PRPSAP2: variants seen among roughly 807,000 people sequenced by gnomAD.
PRPSAP2 encodes phosphoribosyl pyrophosphate synthetase associated protein 2.
PRPSAP2 carries 24 observed loss-of-function variants against 40.6 expected under a neutral mutation model. The ratio of observed to expected loss-of-function variants is 0.59; its 90% CI spans 0.43 to 0.83. The LOEUF is 0.83. PRPSAP2 is among the 40% of genes least tolerant of loss of function. The probability of loss-of-function intolerance (pLI) is 0.00; values close to 1 mark genes in which losing one functional copy is unlikely to be tolerated. For synonymous variants in PRPSAP2, 149 were observed against 164.7 expected (o/e 0.90, Z 0.73); for missense variants, 292 against 465.6 (o/e 0.63, Z 3.43).
At chr17:18,860,123 G>A (rs976463027) in intron 1 of PRPSAP2, among the ~76,000 whole-genome samples, 11 of 151,802 alleles carry the variant, frequency 7.2e-5, no homozygotes, top group East Asian at 1.9e-4. Context: ...GTAGTGGCGC[G>A]ATCTCAGCTC....
intron 8 of PRPSAP2, among the ~76,000 whole-genome samples, chr17:18,890,427 C>T (rs1429126202): frequency 2.6e-5 from 4 of 152,186 alleles, no homozygotes; most frequent in Non-Finnish European, 4.4e-5. Flanking sequence ...GCCTTGGCCT[C>T]CCAAGGTGCT....
chr17:18,889,746 G>T (rs952037803), intron 7 of PRPSAP2, 76 bp from the exon 8 acceptor site: 5 of 1,197,924 alleles, frequency 4.2e-6, no homozygotes, highest in Non-Finnish European at 5.8e-6. Context: ...CTTTCAACTA[G>T]CCAAGCATTT....
intron 8 of PRPSAP2, among the ~76,000 whole-genome samples, chr17:18,909,660 T>C (rs1457840652): frequency 6.6e-6 from 1 of 152,012 alleles, no homozygotes; most frequent in Non-Finnish European, 1.5e-5. Flanking sequence ...ATTCCAGCAC[T>C]TTGGGAGGCC....
intron 6 of PRPSAP2, among the ~76,000 whole-genome samples, chr17:18,880,343 A>G (rs1276220746): frequency 6.6e-6 from 1 of 152,174 alleles, no homozygotes; most frequent in Non-Finnish European, 1.5e-5. Flanking sequence ...GGTGATCGTT[A>G]CAAAGGTGGT....
chr17:18,876,496 A>G (rs978701221), intron 5 of PRPSAP2, among the ~76,000 whole-genome samples: 1 of 152,218 alleles, frequency 6.6e-6, no homozygotes, highest in African/African-American at 2.4e-5. Context: ...TTCTTTCATT[A>G]ACAAATACTT....
chr17:18,885,374 T>G (rs1339180341), intron 7 of PRPSAP2, among the ~76,000 whole-genome samples: 1 of 120,224 alleles, frequency 8.3e-6, no homozygotes, highest in Non-Finnish European at 1.6e-5. Flanking sequence ...CAAGCCGTGA[T>G]CTGGGCGACA....
intron 1 of PRPSAP2, among the ~76,000 whole-genome samples, chr17:18,859,064 A>G (rs1451194153): frequency 1.3e-5 from 2 of 151,742 alleles, no homozygotes; most frequent in Non-Finnish European, 2.9e-5. Flanking sequence ...TATTTATTGA[A>G]TTTCTATTCT....
chr17:18,908,706 T>C (rs570646389), intron 8 of PRPSAP2: 2 of 724,152 alleles, frequency 2.8e-6, no homozygotes, highest in African/African-American at 1.8e-5. Flanking sequence ...ATATTGAGAA[T>C]GCACAGAAAT....
intron 4 of PRPSAP2, among the ~76,000 whole-genome samples, chr17:18,868,083 G>A (rs1302277543): frequency 3.3e-5 from 5 of 152,096 alleles, no homozygotes; most frequent in African/African-American, 7.2e-5. Context: ...CTGCAGTGAA[G>A]TGTGATCATA....
rs745428673 is a variant in PRPSAP2, at chr17:18,869,865, T to TGTGTGA, written c.172+2532_172+2533insTGTGAG. ...TTTTGTGTGTGTGTGTGTGTGTGTG[T>TGTGTGA]GAGACAGAGTCTTGCTCCATTGCCC... is the stretch of plus-strand genomic sequence containing the variant. On this transcript the variant is annotated intron_variant, in intron 4 of 11. Transcript: ENST00000268835. Among the ~76,000 whole-genome samples the TGTGTGA allele has an allele frequency of 2.0e-5, 3 of 147,772 alleles. 1 individual carries two copies. Among genetic ancestry groups the TGTGTGA allele is most frequent in the Admixed American group, 6.9e-5 (1 of 14,552 alleles).
At chr17:18,903,449 G>A (rs1156672377) in intron 8 of PRPSAP2, among the ~76,000 whole-genome samples, 2 of 145,860 alleles carry the variant, frequency 1.4e-5, no homozygotes, top group Non-Finnish European at 3.0e-5. Flanking sequence ...GGTATTGTGA[G>A]TGGGCTAGGC....
At position 18,892,727 on chromosome 17, in the gene PRPSAP2, G is replaced by GTGTGTGTGTGTGTGTGTT. The variant is rs60288281; in HGVS notation, c.584+2851_584+2852insGTGTGTGTGTGTGTGTTT. ...TGTGTGTGTGTGTGTGTGTGTGTGT[G>GTGTGTGTGTGTGTGTGTT]TATTTATTTATTTATTTATTTTTTT... On this transcript the variant is annotated intron_variant, in intron 8 of 11. Transcript: ENST00000268835. 3.1e-3 allele frequency among the ~76,000 whole-genome samples: 392 copies of GTGTGTGTGTGTGTGTGTT among 126,696 alleles called. 16 individuals are homozygous for GTGTGTGTGTGTGTGTGTT. Among genetic ancestry groups the GTGTGTGTGTGTGTGTGTT allele is most frequent in the Admixed American group, 4.9e-3 (61 of 12,372 alleles). The allele number at this position is 126,696 out of a possible 152,430, so 83.1% of individuals were successfully genotyped here.
intron 8 of PRPSAP2, among the ~76,000 whole-genome samples, chr17:18,894,479 CTTTT>C (rs1201159228): frequency 8.3e-6 from 1 of 120,570 alleles, no homozygotes; most frequent in Non-Finnish European, 1.7e-5. Context: ...TTTCAATAGT[CTTTT>C]TTTTTTTTTT....
At chr17:18,908,436 G>T in intron 8 of PRPSAP2, 1 of 758,306 alleles carries the variant, frequency 1.3e-6, no homozygotes, top group East Asian at 2.5e-5. Flanking sequence ...AAACTGTTCT[G>T]ATTTGCCTCA....
intron 1 of PRPSAP2, chr17:18,861,517 A>G (rs2037017831): frequency 6.6e-6 from 1 of 152,112 alleles, no homozygotes. Flanking sequence ...TGTTTGAATA[A>G]CTTGTGAAGT....
chr17:18,879,936 A>T (rs2038604298), intron 6 of PRPSAP2, among the ~76,000 whole-genome samples: 1 of 151,990 alleles, frequency 6.6e-6, no homozygotes, highest in Non-Finnish European at 1.5e-5. Flanking sequence ...GTCTCTACTA[A>T]CAATACAAAA....
intron 8 of PRPSAP2, chr17:18,908,752 G>A (rs965342679): frequency 3.2e-5 from 23 of 725,706 alleles, no homozygotes; most frequent in African/African-American, 7.1e-5. Context: ...GAAAGAGATC[G>A]GAGAGAAAAG....
chr17:18,862,709 A>G (rs2037116876), intron 1 of PRPSAP2, among the ~76,000 whole-genome samples: 1 of 152,188 alleles, frequency 6.6e-6, no homozygotes, highest in Non-Finnish European at 1.5e-5. Context: ...AGATGCAAAC[A>G]TGAGTTTGAC....
chr17:18,886,152 T>TGA (rs2039126600), intron 7 of PRPSAP2, among the ~76,000 whole-genome samples: 15 of 152,336 alleles, frequency 9.8e-5, no homozygotes, highest in Non-Finnish European at 2.1e-4. Context: ...TACATTATTT[T>TGA]ACGTCACCAA....
Sources: gnomAD v4.1 joint callset for allele counts (sites outside exome capture counted in the v4.1 genomes callset) on GRCh38, gnomAD v4.1.1 for gene constraint, MANE v1.5 for transcripts, NCBI Gene and HGNC (gene_info 2026-07-23, HGNC 2026-07-21) for gene names.